Variants in HECW1 observed in about 807,000 individuals in gnomAD.
HECW1 encodes the protein E3 ubiquitin-protein ligase HECW1.
Under a neutral mutation model 182.3 loss-of-function variants are expected in HECW1, and 61 were observed. The observed-to-expected ratio is 0.33, with a 90% CI of 0.27 to 0.41. HECW1 has a LOEUF of 0.41. HECW1 is among the 10% of genes least tolerant of loss of function. HECW1 has a pLI of 1.00. For synonymous variants in HECW1, 859 were observed against 832.6 expected (o/e 1.03, Z -0.55); for missense variants, 1,739 against 2,108.9 (o/e 0.82, Z 3.44).
chr7:43,222,086 C>T (rs1458210232), intron 2 of HECW1, among the ~76,000 whole-genome samples: 1 of 152,180 alleles, frequency 6.6e-6, no homozygotes, highest in Non-Finnish European at 1.5e-5. Flanking sequence ...AAAAGTTCCT[C>T]TAGGCCAGCG....
At chr7:43,199,679 T>G (rs1419798125) in intron 2 of HECW1, among the ~76,000 whole-genome samples, 1 of 152,176 alleles carries the variant, frequency 6.6e-6, no homozygotes, top group Admixed American at 6.5e-5. Context: ...ACAGTTGTGA[T>G]TCATACACAA....
intron 4 of HECW1, among the ~76,000 whole-genome samples, chr7:43,320,341 T>G (rs552467021): frequency 6.6e-6 from 1 of 152,280 alleles, no homozygotes; most frequent in South Asian, 2.1e-4. Context: ...TATTTAAAAG[T>G]GAAGTGAACC....
At chr7:43,391,930 C>G (rs988775259) in intron 6 of HECW1, among the ~76,000 whole-genome samples, 4 of 152,090 alleles carry the variant, frequency 2.6e-5, no homozygotes, top group African/African-American at 9.7e-5. Flanking sequence ...TGAGGCCTAT[C>G]TGATTATTTA....
Position 43,444,074 on chromosome 7 carries a change from T to C in HECW1, c.1046-144T>C, listed in dbSNP as rs2076968576. ...CTTACAGAATTTTTCACTAGAGCTC[T>C]GGCCAGTGAGAAACCCTCATCAACC... On this transcript the variant is annotated intron_variant, in intron 10 of 29. Transcript: ENST00000395891. This position sits in a 1 kb window ranked among gnomAD's most constrained non-coding sequence, Gnocchi z 4.3. 2 of 791,990 alleles carry C rather than the reference T, an allele frequency of 2.5e-6. No homozygotes were observed. Among genetic ancestry groups the C allele is most frequent in the Admixed American group, 5.8e-5 (2 of 34,234 alleles). The allele number at this position is 791,990 out of a possible 1,614,324, so 49.1% of individuals were successfully genotyped here.
At chr7:43,442,124 A>G (rs1016113156) in intron 9 of HECW1, among the ~76,000 whole-genome samples, 3 of 152,254 alleles carry the variant, frequency 2.0e-5, no homozygotes, top group African/African-American at 4.8e-5. Context: ...TGTACTCTAC[A>G]GTAGACTGTA....
chr7:43,495,286 C>T (rs1337872603), intron 19 of HECW1, among the ~76,000 whole-genome samples: 3 of 152,020 alleles, frequency 2.0e-5, no homozygotes, highest in Admixed American at 6.6e-5. Flanking sequence ...CAACAGGCCC[C>T]GGTGTGTGAT....
intron 8 of HECW1, among the ~76,000 whole-genome samples, chr7:43,434,810 A>G (rs2076660144): frequency 6.6e-6 from 1 of 152,212 alleles, no homozygotes; most frequent in Non-Finnish European, 1.5e-5. Context: ...GTTTCATAAT[A>G]TATTTTGATA....
intron 2 of HECW1, among the ~76,000 whole-genome samples, chr7:43,213,184 C>T (rs571237409): frequency 9.0e-4 from 137 of 152,078 alleles, no homozygotes; most frequent in African/African-American, 3.2e-3. Context: ...GACTCTGGGA[C>T]TGGGTAACAA....
intron 2 of HECW1, among the ~76,000 whole-genome samples, chr7:43,221,584 C>G (rs1472885344): frequency 1.4e-5 from 1 of 70,664 alleles, no homozygotes; most frequent in African/African-American, 4.9e-5. Context: ...TTTTTTGGGA[C>G]AGCCTGTTGC....
chr7:43,452,911 G>A (rs1584952512), intron 12 of HECW1, among the ~76,000 whole-genome samples: 2 of 152,348 alleles, frequency 1.3e-5, no homozygotes, highest in South Asian at 4.1e-4. Context: ...TCGGGAGTTG[G>A]AAACACCCTG....
intron 3 of HECW1, among the ~76,000 whole-genome samples, chr7:43,286,066 C>A (rs1309729913): frequency 6.6e-6 from 1 of 152,028 alleles, no homozygotes; most frequent in Non-Finnish European, 1.5e-5. Context: ...ACCTTCGAGC[C>A]ATGTCCAAGA....
chr7:43,328,302 TAAAAACA>T lies in HECW1; in HGVS notation c.460+7580_460+7586del, dbSNP rs548653541. On this transcript the variant is annotated intron_variant, in intron 5 of 29. Coordinates refer to ENST00000395891, the MANE Select transcript of HECW1 (RefSeq NM_015052.5). ...TATGGAGCAAGACCTTGTCTCAAAT[TAAAAACA>T]AAAAACAAAAAACAAAAAAAACAAG... 5.2e-3 allele frequency among the ~76,000 whole-genome samples: 618 copies of T among 119,226 alleles called. 2 individuals are homozygous for T. Among genetic ancestry groups the T allele is most frequent in the African/African-American group, 0.016 (563 of 35,350 alleles). 78.2% of individuals were successfully genotyped at this position (119,226 alleles called of 152,430 possible).
chr7:43,216,661 A>ATT (rs549924160), intron 2 of HECW1, among the ~76,000 whole-genome samples: 5 of 141,922 alleles, frequency 3.5e-5, no homozygotes, highest in Admixed American at 7.0e-5. Flanking sequence ...ATGCAGTGTA[A>ATT]TTTTTTTTTT....
intron 2 of HECW1, among the ~76,000 whole-genome samples, chr7:43,217,387 A>T (rs1258379265): frequency 6.6e-6 from 1 of 152,218 alleles, no homozygotes; most frequent in Non-Finnish European, 1.5e-5. Flanking sequence ...AAGAAATAAG[A>T]AACATGTTTC....
At chr7:43,553,710 C>T (rs1028574834) in intron 28 of HECW1, among the ~76,000 whole-genome samples, 19 of 150,184 alleles carry the variant, frequency 1.3e-4, no homozygotes, top group Admixed American at 1.1e-3. Context: ...GCTGTTAAGG[C>T]CCCATAACAC....
chr7:43,204,171 G>A (rs551943033), intron 2 of HECW1, among the ~76,000 whole-genome samples: 1 of 152,306 alleles, frequency 6.6e-6, no homozygotes, highest in Admixed American at 6.5e-5. Context: ...AGATGTCAAA[G>A]CAGCTAATTT....
intron 16 of HECW1, among the ~76,000 whole-genome samples, chr7:43,475,534 T>C (rs866854974): frequency 6.6e-6 from 1 of 151,988 alleles, no homozygotes. Flanking sequence ...AATTACTTGA[T>C]AAAAATTAAA....
At chr7:43,361,779 A>T (rs1171941966) in intron 6 of HECW1, among the ~76,000 whole-genome samples, 1 of 145,028 alleles carries the variant, frequency 6.9e-6, no homozygotes, top group Non-Finnish European at 1.5e-5. Flanking sequence ...CCAGTGGAGG[A>T]CTTTGTCATG....
intron 2 of HECW1, among the ~76,000 whole-genome samples, chr7:43,215,335 C>G (rs377296396): frequency 6.6e-6 from 1 of 152,206 alleles, no homozygotes; most frequent in South Asian, 2.1e-4. Context: ...CTCACAGAAG[C>G]GTTGCCCTGT....
Sources: allele counts gnomAD v4.1 joint callset (sites outside exome capture counted in the v4.1 genomes callset), GRCh38; gene constraint gnomAD v4.1.1; non-coding constraint Gnocchi (gnomAD v3.1); transcripts MANE v1.5; gene names NCBI Gene and HGNC (gene_info 2026-07-23, HGNC 2026-07-21).